SLC26A8: variants seen among roughly 807,000 people sequenced by gnomAD.
SLC26A8 encodes the protein testis anion transporter 1.
SLC26A8 carries 70 observed loss-of-function variants against 105.0 expected under a neutral mutation model. The ratio of observed to expected loss-of-function variants is 0.67; its 90% CI spans 0.55 to 0.81. SLC26A8 has a LOEUF of 0.81. SLC26A8 is among the 40% of genes least tolerant of loss of function. SLC26A8 has a pLI of 0.00. For synonymous variants in SLC26A8, 415 were observed against 438.3 expected (o/e 0.95, Z 0.66); for missense variants, 998 against 1,181.8 (o/e 0.84, Z 2.28).
Position 35,943,952 on chromosome 6 carries a change from C to T in SLC26A8, c.2861G>A (p.Arg954His), listed in dbSNP as rs772686449. ...QTRTWSVERR[R>H]HPMDSYSPEG... ...TGGTGAGTATGAATCCATAGGATGG[C>T]GTCTCCTCTCCACTGACCATGTCCG... The change falls in exon 20 of 20, where the codon CGC becomes CAC. Residue 954 changes from arginine to histidine, a missense_variant. Arg to His is a conservative substitution (Grantham distance 29). Transcript: ENST00000490799. The T allele has an allele frequency of 9.9e-6, 16 of 1,614,020 alleles. No individual in the cohort carries two copies. Among genetic ancestry groups the T allele is most frequent in the Middle Eastern group, 1.6e-4 (1 of 6,084 alleles).
At chr6:36,024,345 C>G in intron 1 of SLC26A8, 159 bp downstream of exon 1, 1 of 422,982 alleles carries the variant, frequency 2.4e-6, no homozygotes, top group South Asian at 1.6e-5. Flanking sequence ...AGATAAGCTC[C>G]CAGGGACGAC....
intron 14 of SLC26A8, 103 bp downstream of exon 14, chr6:35,960,740 C>T (rs979583620): frequency 2.0e-5 from 21 of 1,029,928 alleles, no homozygotes; most frequent in African/African-American, 4.8e-5. Flanking sequence ...TGTGTATCTG[C>T]AGTGCAGGAA....
intron 1 of SLC26A8, among the ~76,000 whole-genome samples, chr6:36,021,802 G>C (rs1762132646): frequency 6.6e-6 from 1 of 151,750 alleles, no homozygotes; most frequent in Non-Finnish European, 1.5e-5. Flanking sequence ...TTTATTTTTT[G>C]ATATAGAGTC....
In SLC26A8 at chr6:35,959,515, C is replaced by T. The variant is rs376774482; in HGVS notation, c.1808G>A (p.Gly603Glu). 28 of 1,613,936 alleles carry T rather than the reference C, an allele frequency of 1.7e-5. 1 individual carries two copies. In the Middle Eastern group the frequency reaches 2.6e-3, roughly 152 times the overall value. Residue 603 changes from glycine to glutamate, a missense_variant, in exon 16 of 20, where the codon GGA (glycine) becomes GAA (glutamate). Transcript: ENST00000490799. The stretch of plus-strand genomic sequence containing the variant: ...GCAGAAACACCTGCAAATCTTTCCT[C>T]CTTGTAGATTGGTGTCACTTGAATT... The part of the protein sequence containing the change: ...LFNSSDTNLQ[G>E]GKICRCFCNC...
At chr6:35,948,560 G>A (rs1347842703) in intron 19 of SLC26A8, among the ~76,000 whole-genome samples, 1 of 152,200 alleles carries the variant, frequency 6.6e-6, no homozygotes, top group Non-Finnish European at 1.5e-5. Flanking sequence ...CTGCACTCCA[G>A]ACTGGGCGAC....
At chr6:35,977,485 T>A in intron 8 of SLC26A8, 134 bp from the exon 9 acceptor site, 5 of 969,038 alleles carry the variant, frequency 5.2e-6, no homozygotes, top group Non-Finnish European at 7.1e-6. Flanking sequence ...AGCGGAGTGA[T>A]TGAGGCAGCA....
chr6:36,004,190 T>C (rs851048), intron 3 of SLC26A8, among the ~76,000 whole-genome samples: 106,826 of 150,912 alleles, frequency 0.71, 38,183 homozygotes, highest in Middle Eastern at 0.78. Flanking sequence ...ATCGTCCCAC[T>C]TCAGTCTCTC....
intron 1 of SLC26A8, among the ~76,000 whole-genome samples, chr6:36,022,863 C>T (rs1762159710): frequency 6.6e-6 from 1 of 151,244 alleles, no homozygotes; most frequent in Non-Finnish European, 1.5e-5. Flanking sequence ...TGACCAGAAA[C>T]TCCTACTGTT....
intron 19 of SLC26A8, among the ~76,000 whole-genome samples, 170 bp from the exon 20 acceptor site, chr6:35,944,510 A>AATAATAATAATAATTATAATTATTAT (rs1313379206): frequency 1.9e-3 from 177 of 93,652 alleles, no homozygotes; most frequent in Non-Finnish European, 3.5e-3. Flanking sequence ...TATCTTAACA[A>AATAATAATAATAATTATAATTATTAT]ATAATAATAA....
chr6:35,976,038 C>T (rs764972745), intron 9 of SLC26A8, among the ~76,000 whole-genome samples: 2 of 151,824 alleles, frequency 1.3e-5, no homozygotes, highest in Non-Finnish European at 2.9e-5. Context: ...GAAAATGAGA[C>T]TCTGGCATTT....
chr6:35,990,934 A>G (rs1482300532), intron 7 of SLC26A8, among the ~76,000 whole-genome samples: 1 of 152,194 alleles, frequency 6.6e-6, no homozygotes, highest in African/African-American at 2.4e-5. Context: ...TCTTATGAGA[A>G]CGAGGCAATA....
At chr6:36,020,605 C>G (rs1036679023) in intron 1 of SLC26A8, among the ~76,000 whole-genome samples, 1 of 151,814 alleles carries the variant, frequency 6.6e-6, no homozygotes, top group Non-Finnish European at 1.5e-5. Flanking sequence ...GGTGTCAGAG[C>G]GAGACCCTGT....
At chr6:35,994,116 CT>C (rs1168753321) in intron 5 of SLC26A8, among the ~76,000 whole-genome samples, 65 of 66,214 alleles carry the variant, frequency 9.8e-4, no homozygotes, top group African/African-American at 1.8e-3. Flanking sequence ...TTTTTCTTTT[CT>C]TTTTTTTTTT....
intron 7 of SLC26A8, among the ~76,000 whole-genome samples, chr6:35,990,794 T>C (rs1168196465): frequency 6.6e-6 from 1 of 152,218 alleles, no homozygotes; most frequent in African/African-American, 2.4e-5. Context: ...TCAATAGTAG[T>C]TGACTTTGGA....
Position 36,012,379 on chromosome 6 carries a change from G to C in SLC26A8, c.189-7C>G, listed in dbSNP as rs750253356. ...GAACCTGTGCCATGAGCAGCTGTGA[G>C]AGAGAGGAGCAGAGACTTGGTTAGT... On this transcript the variant is annotated splice_polypyrimidine_tract_variant and splice_region_variant and intron_variant, in intron 2 of 19. Transcript: ENST00000490799. The C allele has an allele frequency of 1.1e-5, 17 of 1,567,102 alleles. No individual in the cohort carries two copies. The East Asian group carries it at 4.0e-4, about 37-fold the overall frequency.
intron 16 of SLC26A8, among the ~76,000 whole-genome samples, chr6:35,957,703 T>C (rs1036996827): frequency 2.6e-5 from 4 of 151,402 alleles, no homozygotes; most frequent in Non-Finnish European, 4.4e-5. Context: ...GCCTCCTGGG[T>C]TCAAGCGATT....
intron 14 of SLC26A8, chr6:35,960,360 TAAG>T (rs1205868582): frequency 6.2e-6 from 1 of 161,478 alleles, no homozygotes; most frequent in African/African-American, 2.4e-5. Flanking sequence ...TTTAGCTACT[TAAG>T]AACCCGTCTT....
intron 17 of SLC26A8, chr6:35,954,680 C>T (rs1458490875): frequency 5.8e-6 from 1 of 171,244 alleles, no homozygotes; most frequent in Non-Finnish European, 1.3e-5. Flanking sequence ...CATGGTGGCT[C>T]ACGCCTGTAA....
chr6:36,015,723 C>T (rs1761977297), intron 2 of SLC26A8, among the ~76,000 whole-genome samples: 1 of 152,030 alleles, frequency 6.6e-6, no homozygotes, highest in South Asian at 2.1e-4. Flanking sequence ...CATCATGGAG[C>T]AGAGGAAGTG....
Sources: allele counts gnomAD v4.1 joint callset (sites outside exome capture counted in the v4.1 genomes callset), GRCh38; gene constraint gnomAD v4.1.1; transcripts MANE v1.5; gene names NCBI Gene and HGNC (gene_info 2026-07-23, HGNC 2026-07-21).